WDR70: variants seen among roughly 807,000 people sequenced by gnomAD.
The protein encoded by WDR70 is WD repeat domain 70.
WDR70 carries 53 observed loss-of-function variants against 88.6 expected under a neutral mutation model. The ratio of observed to expected loss-of-function variants is 0.60; its 90% confidence interval spans 0.48 to 0.75. The LOEUF (loss-of-function observed/expected upper bound fraction) is 0.75. WDR70 is among the 30% of genes least tolerant of loss of function. The pLI, the probability that WDR70 is intolerant of heterozygous loss-of-function variation, is 0.00. For missense variants in WDR70, 610 were observed against 823.2 expected (o/e 0.74, Z 3.17); for synonymous variants, 280 against 270.0 (o/e 1.04, Z -0.36).
chr5:37,701,015 A>T (rs758788936), intron 11 of WDR70, 43 bp from the exon 12 acceptor site: 18 of 1,286,300 alleles, frequency 1.4e-5, no homozygotes, highest in Non-Finnish European at 2.0e-5. Flanking sequence ...CTTTTTGCAC[A>T]ATTCACTTTT....
At chr5:37,394,617 T>C (rs1443813767) in intron 4 of WDR70, among the ~76,000 whole-genome samples, 1 of 152,068 alleles carries the variant, frequency 6.6e-6, no homozygotes, top group Admixed American at 6.6e-5. Context: ...TAATGGGAAG[T>C]GGTGGTGTGC....
chr5:37,480,082 G>A (rs1739616729), intron 8 of WDR70, 95 bp downstream of exon 8: 2 of 1,454,052 alleles, frequency 1.4e-6, no homozygotes, highest in East Asian at 2.3e-5. Context: ...CCAAAAGTTA[G>A]TGTCATAAAA....
chr5:37,533,951 G>T (rs1483675601), intron 9 of WDR70, among the ~76,000 whole-genome samples: 1 of 152,138 alleles, frequency 6.6e-6, no homozygotes, highest in Admixed American at 6.5e-5. Context: ...TGTTGAGAAA[G>T]CAAGCAGACT....
chr5:37,451,768 G>C (rs4869511), intron 7 of WDR70, among the ~76,000 whole-genome samples: 63,199 of 152,108 alleles, frequency 0.42, 15,267 homozygotes, highest in Non-Finnish European at 0.54. Flanking sequence ...GGCCAAGGCA[G>C]GCGGATCATG....
chr5:37,441,732 C>T (rs1476074183), intron 6 of WDR70, among the ~76,000 whole-genome samples: 2 of 151,268 alleles, frequency 1.3e-5, no homozygotes, highest in Non-Finnish European at 2.9e-5. Context: ...GCAGGAGAAT[C>T]GCTTGATCCC....
intron 5 of WDR70, among the ~76,000 whole-genome samples, chr5:37,423,484 T>C (rs1750013007): frequency 6.6e-6 from 1 of 151,922 alleles, no homozygotes; most frequent in African/African-American, 2.4e-5. Flanking sequence ...ATCATTGCTT[T>C]TTTAAAATCA....
chr5:37,408,542 TTG>T (rs1193337434), intron 5 of WDR70, among the ~76,000 whole-genome samples: 1 of 152,120 alleles, frequency 6.6e-6, no homozygotes, highest in Non-Finnish European at 1.5e-5. Flanking sequence ...CTTTGTATCT[TTG>T]TTTAACTTGA....
At chr5:37,569,380 CA>C (rs1353542179) in intron 9 of WDR70, among the ~76,000 whole-genome samples, 3 of 152,116 alleles carry the variant, frequency 2.0e-5, no homozygotes, top group Admixed American at 6.6e-5. Context: ...GTGAATCAAA[CA>C]CAAAAATAAT....
intron 7 of WDR70, among the ~76,000 whole-genome samples, chr5:37,455,777 T>G (rs1738818573): frequency 6.6e-6 from 1 of 152,054 alleles, no homozygotes. Context: ...TTATTCTTTT[T>G]ATTTGTACAG....
chr5:37,632,433 C>T (rs1744842781), intron 10 of WDR70, among the ~76,000 whole-genome samples: 1 of 152,042 alleles, frequency 6.6e-6, no homozygotes, highest in African/African-American at 2.4e-5. Context: ...GATGACAGTT[C>T]CATGTGTGTT....
chr5:37,424,148 C>CAAAAA (rs11304949), intron 5 of WDR70, among the ~76,000 whole-genome samples: 98 of 55,432 alleles, frequency 1.8e-3, no homozygotes, highest in Admixed American at 3.5e-3. Context: ...GACTCCATCT[C>CAAAAA]AAAAAAAAAA....
At chr5:37,717,132 G>A (rs534995471) in intron 13 of WDR70, among the ~76,000 whole-genome samples, 18 of 152,214 alleles carry the variant, frequency 1.2e-4, no homozygotes. Context: ...AATGGGCTTT[G>A]GTTTAAAAGA....
chr5:37,490,941 A>G (rs114215232), intron 8 of WDR70, among the ~76,000 whole-genome samples: 44 of 152,208 alleles, frequency 2.9e-4, no homozygotes, highest in African/African-American at 9.9e-4. Context: ...AGATGCAGGT[A>G]CTGTTTGGCC....
At chr5:37,736,647 G>A (rs2112723243) in intron 17 of WDR70, among the ~76,000 whole-genome samples, 1 of 151,140 alleles carries the variant, frequency 6.6e-6, no homozygotes, top group African/African-American at 2.4e-5. Flanking sequence ...TTGCGGTGGG[G>A]GGGTTGTTTA....
At chr5:37,443,145 C>A in intron 6 of WDR70, 94 bp from the exon 7 acceptor site, 1 of 1,377,870 alleles carries the variant, frequency 7.3e-7, no homozygotes, top group African/African-American at 1.5e-5. Flanking sequence ...AGTCCTATAA[C>A]ATAGGGGGTG....
At chr5:37,515,030 A>G (rs1227048535) in intron 8 of WDR70, among the ~76,000 whole-genome samples, 2 of 152,014 alleles carry the variant, frequency 1.3e-5, no homozygotes, top group Non-Finnish European at 2.9e-5. Context: ...AAAAAAAAAA[A>G]AAAAAGAAAA....
intron 8 of WDR70, among the ~76,000 whole-genome samples, chr5:37,482,967 A>G (rs1243717127): frequency 6.6e-6 from 1 of 151,914 alleles, no homozygotes; most frequent in Non-Finnish European, 1.5e-5. Context: ...GGATTGCTTG[A>G]TCCCAGGAGT....
intron 17 of WDR70, among the ~76,000 whole-genome samples, chr5:37,749,617 A>G (rs1395008510): frequency 1.3e-5 from 2 of 152,170 alleles, no homozygotes; most frequent in African/African-American, 4.8e-5. Flanking sequence ...CAACATTATG[A>G]TTAGTTCAAA....
intron 5 of WDR70, among the ~76,000 whole-genome samples, chr5:37,407,865 A>T (rs1405454207): frequency 6.6e-6 from 1 of 151,994 alleles, no homozygotes; most frequent in Non-Finnish European, 1.5e-5. Flanking sequence ...TTACAGTATG[A>T]TGCTGCCTCC....
Sources: gnomAD v4.1 joint callset for allele counts (sites outside exome capture counted in the v4.1 genomes callset) on GRCh38, gnomAD v4.1.1 for gene constraint, MANE v1.5 for transcripts, NCBI Gene and HGNC (gene_info 2026-07-23, HGNC 2026-07-21) for gene names.